Variants in RBFOX1 observed in about 807,000 individuals in gnomAD.
The protein encoded by RBFOX1 is RNA binding fox-1 homolog 1.
A neutral mutation model predicts 57.7 loss-of-function variants in RBFOX1; 8 were observed. The observed-to-expected ratio is 0.14, with a 90% confidence interval of 0.08 to 0.25. RBFOX1 has a LOEUF of 0.25. Among genes scored for constraint, RBFOX1 ranks in the 10% least tolerant of loss-of-function variants. RBFOX1 has a pLI of 1.00. For synonymous variants in RBFOX1, 326 were observed against 222.4 expected, an observed-to-expected ratio of 1.47 and a Z score of -4.15; for missense variants, 611 against 548.5, an observed-to-expected ratio of 1.11 and a Z score of -1.14.
intron 3 of RBFOX1, among the ~76,000 whole-genome samples, chr16:5,754,223 C>T (rs899956608): frequency 6.6e-6 from 1 of 152,114 alleles, no homozygotes; most frequent in Non-Finnish European, 1.5e-5. Flanking sequence ...CTTCTCTATG[C>T]CTCAAATGAA....
chr16:6,740,673 A>G (rs1311847607), intron 3 of RBFOX1, among the ~76,000 whole-genome samples: 2 of 152,210 alleles, frequency 1.3e-5, no homozygotes, highest in East Asian at 1.9e-4. Context: ...TGTGCATCTA[A>G]CAGGACTTGT....
chr16:5,303,549 A>T (rs2063857018), intron 1 of RBFOX1, among the ~76,000 whole-genome samples: 1 of 152,164 alleles, frequency 6.6e-6, no homozygotes, highest in Non-Finnish European at 1.5e-5. Flanking sequence ...GGAGTCACAG[A>T]TGCCAGTGTT....
At chr16:6,775,050 G>T (rs949072256) in intron 3 of RBFOX1, among the ~76,000 whole-genome samples, 2 of 151,784 alleles carry the variant, frequency 1.3e-5, no homozygotes, top group African/African-American at 4.8e-5. Flanking sequence ...ACAAGGCAGG[G>T]CGCAGTGGCT....
chr16:5,405,714 G>A (rs775128213), intron 1 of RBFOX1, among the ~76,000 whole-genome samples: 42 of 152,270 alleles, frequency 2.8e-4, no homozygotes, highest in East Asian at 1.2e-3. Flanking sequence ...CTTGGTTTGC[G>A]GGGATAAGTT....
chr16:5,810,192 G>A (rs1251481054), intron 3 of RBFOX1, among the ~76,000 whole-genome samples: 1 of 137,108 alleles, frequency 7.3e-6, no homozygotes, highest in Non-Finnish European at 1.6e-5. Context: ...GGGGGAGGAG[G>A]GAGGGATAGC....
chr16:7,010,493 G>A (rs542259478), intron 3 of RBFOX1, among the ~76,000 whole-genome samples: 3 of 152,128 alleles, frequency 2.0e-5, no homozygotes, highest in South Asian at 4.2e-4. Context: ...CAGTGAAGGA[G>A]ATGTGGGTTG....
intron 1 of RBFOX1, among the ~76,000 whole-genome samples, chr16:5,389,029 A>G (rs996313289): frequency 2.6e-5 from 4 of 151,402 alleles, no homozygotes; most frequent in Admixed American, 6.6e-5. Flanking sequence ...ATCTCTAGTA[A>G]AAATACAAAA....
intron 3 of RBFOX1, among the ~76,000 whole-genome samples, chr16:6,707,968 G>A (rs1285805614): frequency 1.3e-5 from 2 of 152,130 alleles, no homozygotes; most frequent in East Asian, 3.9e-4. Flanking sequence ...AGGATGCATT[G>A]TAAAAGAAAA....
chr16:7,111,719 C>G (rs1353793800), intron 4 of RBFOX1, among the ~76,000 whole-genome samples: 1 of 151,702 alleles, frequency 6.6e-6, no homozygotes, highest in Non-Finnish European at 1.5e-5. Context: ...CTGAAAGGAC[C>G]TGGTCTTTAT....
At chr16:7,331,042 T>G (rs2096685674) in intron 4 of RBFOX1, among the ~76,000 whole-genome samples, 1 of 152,160 alleles carries the variant, frequency 6.6e-6, no homozygotes, top group African/African-American at 2.4e-5. Flanking sequence ...TGCATGAGAA[T>G]CAATTACAGA....
chr16:7,260,040 C>G (rs992739558), intron 4 of RBFOX1, among the ~76,000 whole-genome samples: 2 of 152,142 alleles, frequency 1.3e-5, no homozygotes, highest in Admixed American at 1.3e-4. Context: ...TTTATAAGCT[C>G]CATAAGAACA....
At chr16:6,240,895 A>G (rs552764826) in intron 1 of RBFOX1, among the ~76,000 whole-genome samples, 2 of 152,220 alleles carry the variant, frequency 1.3e-5, no homozygotes, top group South Asian at 2.1e-4. Flanking sequence ...TGAAGTTCCC[A>G]TTGACCTCTC....
intron 3 of RBFOX1, among the ~76,000 whole-genome samples, chr16:5,690,487 C>G (rs971583493): frequency 6.6e-6 from 1 of 152,096 alleles, no homozygotes; most frequent in African/African-American, 2.4e-5. Flanking sequence ...CTGCCCGTAA[C>G]GCTCTTGGCA....
chr16:7,306,361 C>T (rs1466396986), intron 4 of RBFOX1, among the ~76,000 whole-genome samples: 1 of 152,160 alleles, frequency 6.6e-6, no homozygotes, highest in Non-Finnish European at 1.5e-5. Flanking sequence ...AGGAAAAACA[C>T]CCCTGCTCTG....
At chr16:6,037,698 G>C (rs1002754190) in intron 1 of RBFOX1, 3 of 151,924 alleles carry the variant, frequency 2.0e-5, no homozygotes, top group Non-Finnish European at 1.5e-5. Context: ...GGATTCAATC[G>C]ATTCTCCTGC....
chr16:7,315,806 G>T (rs1043564555), intron 4 of RBFOX1, among the ~76,000 whole-genome samples: 1 of 152,032 alleles, frequency 6.6e-6, no homozygotes, highest in African/African-American at 2.4e-5. Flanking sequence ...ATTTGAATTC[G>T]TGAGTGTCTC....
At chr16:7,036,370 G>A (rs1481597087) in intron 3 of RBFOX1, among the ~76,000 whole-genome samples, 6 of 152,058 alleles carry the variant, frequency 3.9e-5, no homozygotes, top group Admixed American at 3.9e-4. Flanking sequence ...TAGGAAAGGG[G>A]TCCCAATGCA....
intron 2 of RBFOX1, among the ~76,000 whole-genome samples, chr16:5,538,854 C>A (rs191661698): frequency 6.6e-6 from 1 of 152,070 alleles, no homozygotes; most frequent in African/African-American, 2.4e-5. Flanking sequence ...TCTCGATCTC[C>A]TGACATCATG....
At chr16:6,603,553 C>A (rs1567844303) in intron 2 of RBFOX1, among the ~76,000 whole-genome samples, 1 of 152,128 alleles carries the variant, frequency 6.6e-6, no homozygotes, top group African/African-American at 2.4e-5. Flanking sequence ...AGCCCCACTC[C>A]ACACTCCATG....
Sources: gnomAD v4.1 joint callset for allele counts (sites outside exome capture counted in the v4.1 genomes callset) on GRCh38, gnomAD v4.1.1 for gene constraint, MANE v1.5 for transcripts, NCBI Gene and HGNC (gene_info 2026-07-23, HGNC 2026-07-21) for gene names.